The following TBC1D2 variants were observed in gnomAD, a reference collection of about 807,000 sequenced individuals.
The protein encoded by TBC1D2 is TBC1 domain family member 2A.
Under a neutral mutation model 91.1 loss-of-function variants are expected in TBC1D2, and 58 were observed. The observed-to-expected ratio is 0.64, with a 90% CI of 0.52 to 0.79. The LOEUF (loss-of-function observed/expected upper bound fraction) is 0.79. TBC1D2 is among the 30% of genes least tolerant of loss of function. The probability of loss-of-function intolerance (pLI) is 0.00; values close to 1 mark genes in which losing one functional copy is unlikely to be tolerated. For missense variants in TBC1D2, 1,080 were observed against 1,208.3 expected (o/e 0.89, Z 1.57); for synonymous variants, 482 against 511.5 (o/e 0.94, Z 0.78).
At chr9:98,241,394 C>A (rs1190932345) in intron 3 of TBC1D2, among the ~76,000 whole-genome samples, 1 of 152,158 alleles carries the variant, frequency 6.6e-6, no homozygotes, top group Non-Finnish European at 1.5e-5. Context: ...GGGTTCATGG[C>A]AGCACCAACA....
chr9:98,240,752 A>C (rs1450908521), intron 3 of TBC1D2, among the ~76,000 whole-genome samples: 4 of 152,184 alleles, frequency 2.6e-5, no homozygotes, highest in African/African-American at 9.6e-5. Flanking sequence ...AAGGCCTTCT[A>C]AGCCCTAGCA....
chr9:98,243,712 T>C (rs1829701906), intron 3 of TBC1D2, among the ~76,000 whole-genome samples: 1 of 152,038 alleles, frequency 6.6e-6, no homozygotes, highest in Admixed American at 6.6e-5. Flanking sequence ...AATTACTGTA[T>C]TTTTAGTAGA....
chr9:98,236,722 G>GTA (rs1258529736), intron 3 of TBC1D2, among the ~76,000 whole-genome samples: 3 of 152,186 alleles, frequency 2.0e-5, no homozygotes, highest in Non-Finnish European at 2.9e-5. Flanking sequence ...TATGTGAAAT[G>GTA]TATAATTACA....
At chr9:98,207,875 TGCAGCCCTGCTGCAGAC>T (rs1201951290) in intron 9 of TBC1D2, among the ~76,000 whole-genome samples, 4 of 152,166 alleles carry the variant, frequency 2.6e-5, no homozygotes, top group African/African-American at 9.7e-5. Flanking sequence ...TGTGCAGGGG[TGCAGCCCTGCTGCAGAC>T]AGCAGCTGCC....
In TBC1D2 at chr9:98,244,099, AG is replaced by A; in HGVS notation, c.541del (p.Leu181CysfsTer4). The A allele has an allele frequency of 3.7e-6, 6 of 1,613,378 alleles. No homozygotes were observed. Among genetic ancestry groups the A allele is most frequent in the Non-Finnish European group, 5.1e-6 (6 of 1,179,730 alleles). ...GQEEAELEEF[L>X]CPVKTPPGLV... is the part of the protein sequence containing the mutation. ...CCCAGGGGGTGTTTTCACAGGGCAC[AG>A]GAACTCCTCCAGCTCTGCCTCTTCT... On this transcript the variant is annotated frameshift_variant, in exon 3 of 13. Coordinates refer to ENST00000465784, the MANE Select transcript of TBC1D2 (RefSeq NM_001267571.2). LOFTEE classifies it high-confidence loss of function.
intron 2 of TBC1D2, among the ~76,000 whole-genome samples, chr9:98,250,709 C>G (rs1008693098): frequency 2.6e-5 from 4 of 152,162 alleles, no homozygotes; most frequent in Non-Finnish European, 4.4e-5. Context: ...AAGTCCTGCC[C>G]TTGCCTATTT....
At position 98,255,416 on chromosome 9, in the gene TBC1D2, C is replaced by T. The variant is rs1233367181; in HGVS notation, c.126G>A (p.Glu42=). The stretch of plus-strand genomic sequence containing the variant: ...ACCCACAGAGTTTCTTGGGGACCGC[C>T]TCCAGGGACCGGGCGCAGTCCCCCG... ...EESGDCARSL[E]AVPKKLCGYL... is the part of the protein sequence containing the mutation. The change falls in exon 1 of 13, where the codon GAG becomes GAA. Residue 42 remains glutamate (E), a synonymous_variant. Transcript: ENST00000465784. 1 of 1,612,472 alleles carries T rather than the reference C, an allele frequency of 6.2e-7. No individual in the cohort carries two copies. Among genetic ancestry groups the T allele is most frequent in the Non-Finnish European group, 8.5e-7 (1 of 1,178,690 alleles).
chr9:98,201,812 C>T (rs1476447383), intron 10 of TBC1D2, 148 bp from the exon 11 acceptor site: 3 of 707,204 alleles, frequency 4.2e-6, no homozygotes, highest in Non-Finnish European at 6.8e-6. Context: ...CCTCGGGGAG[C>T]CAGGGGCCAG....
At chr9:98,219,606 C>T (rs1054036929) in intron 6 of TBC1D2, among the ~76,000 whole-genome samples, 33 of 152,176 alleles carry the variant, frequency 2.2e-4, no homozygotes, top group African/African-American at 7.2e-4. Context: ...CCTATTGCTC[C>T]GAGGCTGCAG....
Position 98,208,740 on chromosome 9 carries a change from T to C in TBC1D2, c.2078A>G (p.Asp693Gly). The C allele has an allele frequency of 6.4e-7, 1 of 1,561,500 alleles. No homozygotes were observed. Among genetic ancestry groups the C allele is most frequent in the Non-Finnish European group, 8.7e-7 (1 of 1,149,458 alleles). ...GGCCAGCAGCACCCGGCGGAGCTTG[T>C]CGGGGAAGCTGGAGGTGGGGCAGGT... The part of the protein sequence containing the change: ...HFTCPTSSFP[D>G]KLRRVLLAFS... The change falls in exon 9 of 13, where the codon GAC becomes GGC. Residue 693 changes from aspartate (D) to glycine (G), a missense_variant. Transcript: ENST00000465784.
rs200303278 is a variant in TBC1D2 at position 98,242,602 on chromosome 9, A to ACAGTT, written c.647+1387_647+1391dup. On this transcript the variant is annotated intron_variant, in intron 3 of 12. Transcript: ENST00000465784. The stretch of plus-strand genomic sequence containing the variant: ...CATTTCATGCTTAAGACTGCCAAGC[A>ACAGTT]CAGTTCTAAAGCAGGCTGCATGCAT... Among the ~76,000 whole-genome samples the ACAGTT allele has an allele frequency of 5.1e-3, 772 of 152,312 alleles. 5 individuals carry two copies. The highest frequency in any genetic ancestry group is 0.013 in the Admixed American group (192 of 15,298).
At chr9:98,218,711 G>C (rs1232987590) in intron 6 of TBC1D2, among the ~76,000 whole-genome samples, 5 of 152,018 alleles carry the variant, frequency 3.3e-5, no homozygotes, top group Non-Finnish European at 7.4e-5. Flanking sequence ...TTTCCTTTGA[G>C]ATGGTGTTTC....
At chr9:98,216,433 A>G (rs939969079) in intron 6 of TBC1D2, among the ~76,000 whole-genome samples, 8 of 152,344 alleles carry the variant, frequency 5.3e-5, no homozygotes, top group African/African-American at 1.9e-4. Flanking sequence ...CATATCCACA[A>G]GGCTGTGGGA....
intron 9 of TBC1D2, 77 bp downstream of exon 9, chr9:98,208,591 C>T: frequency 2.1e-6 from 3 of 1,431,870 alleles, no homozygotes; most frequent in Non-Finnish European, 2.8e-6. Context: ...AGATGGCTGC[C>T]TGTCCACAGT....
chr9:98,254,970 G>A (rs1172399724), intron 1 of TBC1D2, among the ~76,000 whole-genome samples: 2 of 152,172 alleles, frequency 1.3e-5, no homozygotes, highest in African/African-American at 4.8e-5. Context: ...TTCTTGATCC[G>A]TAAAATGGGT....
chr9:98,203,349 A>C lies in TBC1D2; in HGVS notation c.2210T>G (p.Val737Gly). The change falls in exon 10 of 13, where the codon GTG (valine) becomes GGG (glycine). Residue 737 changes from valine (V) to glycine (G), a missense_variant. Val to Gly is a moderately radical substitution (Grantham distance 109, BLOSUM62 -3). Transcript: ENST00000465784. ...GGGCATGATGGTCTCCACAATGGCC[A>C]CCAGGCACCAGAAGGCGCTCTCCTC... ...EEEESAFWCL[V>G]AIVETIMPAD... The C allele has an allele frequency of 6.2e-7, 1 of 1,614,244 alleles. No individual in the cohort carries two copies.
At chr9:98,235,255 G>A (rs1829475815) in intron 3 of TBC1D2, 5 of 314,568 alleles carry the variant, frequency 1.6e-5, no homozygotes, top group Non-Finnish European at 1.3e-5. Flanking sequence ...TTCGGAGCAT[G>A]TAGGAACTAT....
At position 98,201,609 on chromosome 9, in the gene TBC1D2, G is replaced by T. The variant is rs752444063; in HGVS notation, c.2327C>A (p.Ala776Asp). The T allele has an allele frequency of 3.1e-6, 5 of 1,614,000 alleles. No individual in the cohort carries two copies. In the East Asian group the frequency reaches 1.1e-4, roughly 36 times the overall value. ...LLSEKLPRLMAHLGQHHVDLS... is the reference protein window; with the variant it reads ...LLSEKLPRLMDHLGQHHVDLS... ...ATCCACGTGGTGCTGCCCCAGATGGGCCATCAGCCTGGGCAGCTTCTCCGA... is the reference window on the plus strand; with the variant it reads ...ATCCACGTGGTGCTGCCCCAGATGGTCCATCAGCCTGGGCAGCTTCTCCGA... Residue 776 changes from alanine to aspartate, a missense_variant, in exon 11 of 13, where the codon GCC (alanine) becomes GAC (aspartate). Coordinates refer to ENST00000465784, the MANE Select transcript of TBC1D2 (RefSeq NM_001267571.2).
At chr9:98,200,411 G>T (rs1425236522) in intron 11 of TBC1D2, 37 bp from the exon 12 acceptor site, 3 of 1,559,826 alleles carry the variant, frequency 1.9e-6, no homozygotes, top group Non-Finnish European at 2.6e-6. Context: ...GGGCATGGGG[G>T]GGCCAGGCAG....
Sources: allele counts gnomAD v4.1 joint callset (sites outside exome capture counted in the v4.1 genomes callset), GRCh38; gene constraint gnomAD v4.1.1; transcripts MANE v1.5; gene names NCBI Gene and HGNC (gene_info 2026-07-23, HGNC 2026-07-21).